The following COL5A3 variants were observed in gnomAD, a reference collection of about 807,000 sequenced individuals.
The protein encoded by COL5A3 is collagen type V alpha 3 chain.
In COL5A3, 172 loss-of-function variants were observed where a neutral mutation model predicts 250.0. That is an observed-to-expected ratio of 0.69 (90% confidence interval 0.61 to 0.78). The LOEUF is 0.78. COL5A3 is among the 30% of genes least tolerant of loss of function. The probability of loss-of-function intolerance (pLI) is 0.00; values close to 1 mark genes in which losing one functional copy is unlikely to be tolerated. For missense variants in COL5A3, 2,340 were observed against 2,334.4 expected, an observed-to-expected ratio of 1.00 and a Z score of -0.05; for synonymous variants, 937 against 900.4, an observed-to-expected ratio of 1.04 and a Z score of -0.73.
intron 31 of COL5A3, among the ~76,000 whole-genome samples, chr19:9,982,944 C>G (rs73003484): frequency 1.3e-5 from 2 of 152,110 alleles, no homozygotes; most frequent in Admixed American, 1.3e-4. Flanking sequence ...CAGCTTCAAC[C>G]TTTTGGGCTC....
At chr19:9,992,076 G>A (rs1036173455) in intron 21 of COL5A3, 28 bp from the exon 22 acceptor site, 12 of 1,610,176 alleles carry the variant, frequency 7.5e-6, no homozygotes, top group Non-Finnish European at 1.0e-5. Flanking sequence ...GTGAGACCAA[G>A]ACAGAGCAAC....
Position 9,980,739 on chromosome 19 carries a change from G to A in COL5A3, c.2560-47C>T, listed in dbSNP as rs192979597. On this transcript the variant is annotated intron_variant, in intron 34 of 66. Transcript: ENST00000264828. ...TCAGGCCCCAGAACAAACTCAACTG[G>A]GAAGAATTTGGAGGGACTGGCTGAG... 6 of 1,614,090 alleles carry A rather than the reference G, an allele frequency of 3.7e-6. No homozygotes were observed. The Admixed American group carries it at 8.3e-5, about 22-fold the overall frequency.
intron 16 of COL5A3, among the ~76,000 whole-genome samples, chr19:9,994,352 A>G (rs552950327): frequency 1.3e-5 from 2 of 150,040 alleles, no homozygotes; most frequent in East Asian, 3.9e-4. Flanking sequence ...CTAATTTTTT[A>G]TTTGTATTTT....
At chr19:9,970,804 A>G in intron 53 of COL5A3, 129 bp from the exon 54 acceptor site, 1 of 997,120 alleles carries the variant, frequency 1.0e-6, no homozygotes, top group Non-Finnish European at 1.4e-6. Context: ...CCCACCTCCC[A>G]CCTACTCCCT....
In COL5A3 at chr19:9,980,674, C is replaced by T; in HGVS notation, c.2578G>A (p.Gly860Arg). 1 of 1,613,982 alleles carries T rather than the reference C, an allele frequency of 6.2e-7. No homozygotes were observed. Among genetic ancestry groups the T allele is most frequent in the African/African-American group, 1.3e-5 (1 of 74,948 alleles). ...TTTTCTCCAGGGATCCCAGGGGCTC[C>T]ATCCTGGCCCACATCGCCCTAGGAC... ...PGPKGDVGQD[G>R]APGIPGEKGL... is the part of the protein sequence containing the mutation. Residue 860 changes from glycine to arginine, a missense_variant, in exon 35 of 67, where the codon GGA becomes AGA. By Grantham distance (125) the Gly-to-Arg change is moderately radical. This residue lies in a region of COL5A3 where 1,152 missense variants were observed against 1,146.3 expected (regional missense o/e 1.00). Transcript: ENST00000264828.
At chr19:9,996,294 C>T (rs2087270932) in intron 13 of COL5A3, 32 bp from the exon 14 acceptor site, 1 of 1,551,304 alleles carries the variant, frequency 6.4e-7, no homozygotes, top group South Asian at 1.2e-5. Context: ...AGCTTGGGGC[C>T]TCCCACAAGA....
chr19:9,985,965 G>T, intron 30 of COL5A3, 70 bp from the exon 31 acceptor site: 3 of 1,426,896 alleles, frequency 2.1e-6, no homozygotes, highest in African/African-American at 1.4e-5. Flanking sequence ...GGTCAGGCTG[G>T]CTGGGGCATG....
chr19:10,006,945 A>G (rs925417202), intron 1 of COL5A3, among the ~76,000 whole-genome samples: 1 of 148,252 alleles, frequency 6.7e-6, no homozygotes, highest in African/African-American at 2.5e-5. Flanking sequence ...CTTCCCTCTG[A>G]CCCTCCTCTA....
chr19:9,961,699 C>T (rs922763724), intron 65 of COL5A3, among the ~76,000 whole-genome samples: 7 of 152,066 alleles, frequency 4.6e-5, no homozygotes, highest in African/African-American at 1.4e-4. Context: ...ACTGGGACTA[C>T]GGGCGCCTGC....
At position 9,971,196 on chromosome 19, in the gene COL5A3, C is replaced by T. The variant is rs2086841099; in HGVS notation, c.3828+9G>A. Reference sequence around the variant, plus strand: ...AATATGCCAGGATTGGGGAGGGGGTCACACTCACTGAAACTCCAGGGTCTC... The same window carrying T: ...AATATGCCAGGATTGGGGAGGGGGTTACACTCACTGAAACTCCAGGGTCTC... On this transcript the variant is annotated intron_variant, in intron 52 of 66. Coordinates refer to ENST00000264828, the MANE Select transcript of COL5A3 (RefSeq NM_015719.4). 3.2e-6 allele frequency: 5 copies of T among 1,561,280 alleles called. No homozygotes were observed. The highest frequency in any genetic ancestry group is 4.3e-6 in the Non-Finnish European group (5 of 1,160,918).
rs2086885207 is a variant in COL5A3, at chr19:9,973,807, G to A, written c.3561C>T (p.Gly1187=). 5.0e-6 allele frequency: 8 copies of A among 1,613,978 alleles called. No individual in the cohort carries two copies. Among genetic ancestry groups the A allele is most frequent in the Non-Finnish European group, 6.8e-6 (8 of 1,179,956 alleles). Residue 1187 remains glycine, a splice_region_variant and synonymous_variant, in exon 49 of 67, where the codon GGC becomes GGT. Transcript: ENST00000264828. The stretch of plus-strand genomic sequence containing the variant: ...CAACTCCTCCAGGCAGCCCTGGAGT[G>A]CCCTGGAGAGACAGCAAGGGGTAAG... ...RGPQGPTGSE[G]TPGLPGGVGQ... is the part of the protein sequence containing the mutation.
At chr19:9,992,613 C>G (rs2087210830) in intron 21 of COL5A3, among the ~76,000 whole-genome samples, 2 of 151,986 alleles carry the variant, frequency 1.3e-5, no homozygotes, top group African/African-American at 4.8e-5. Flanking sequence ...CCTGTCTCTA[C>G]TAAAAATACA....
chr19:9,967,936 G>A lies in COL5A3; in HGVS notation c.4372C>T (p.Pro1458Ser). 6.2e-7 allele frequency: 1 copy of A among 1,612,858 alleles called. No homozygotes were observed. The highest frequency in any genetic ancestry group is 8.5e-7 in the Non-Finnish European group (1 of 1,179,536). Residue 1458 changes from proline (P) to serine (S), a missense_variant, in exon 61 of 67, where the codon CCT becomes TCT. This residue lies in a region of COL5A3 where 1,179 missense variants were observed against 1,162.6 expected (regional missense o/e 1.01). Coordinates refer to ENST00000264828, the MANE Select transcript of COL5A3 (RefSeq NM_015719.4). ...CCTTTTGAGCCTTTCTGTCCTAGAG[G>A]GCCCTGTAGGGTACAGACAGGGAGA... is the stretch of plus-strand genomic sequence containing the variant. Reference protein sequence around the residue: ...GHPGPPGVAGPLGQKGSKGSP... With the variant: ...GHPGPPGVAGSLGQKGSKGSP...
In COL5A3 at chr19:10,001,794, T is replaced by C; in HGVS notation, c.937A>G (p.Thr313Ala). 2 of 1,614,096 alleles carry C rather than the reference T, an allele frequency of 1.2e-6. No homozygotes were observed. The highest frequency in any genetic ancestry group is 8.5e-7 in the Non-Finnish European group (1 of 1,179,974). ...TCTAGGATCGTGGCATTGAGTCCAG[T>C]AGTCACAGTGGAGGTGACGACCAAA... ...TPLVVTSTVT[T>A]GLNATILERS... Residue 313 changes from threonine to alanine, a missense_variant, in exon 7 of 67, where the codon ACT (threonine) becomes GCT (alanine). Thr to Ala is a moderately conservative substitution (Grantham distance 58, BLOSUM62 0). This residue lies in a region of COL5A3 where 1,152 missense variants were observed against 1,146.3 expected (regional missense o/e 1.00). Transcript: ENST00000264828.
chr19:10,003,576 C>T lies in COL5A3; in HGVS notation c.838G>A (p.Ala280Thr), dbSNP rs61742765. 48 of 1,614,016 alleles carry T rather than the reference C, an allele frequency of 3.0e-5. No homozygotes were observed. The African/African-American group carries it at 4.7e-4, about 16-fold the overall frequency. Residue 280 changes from alanine to threonine, a missense_variant, in exon 6 of 67, where the codon GCA (alanine) becomes ACA (threonine). Physicochemically the swap from Ala to Thr is moderately conservative, Grantham distance 58. This residue lies in a region of COL5A3 where 1,152 missense variants were observed against 1,146.3 expected (regional missense o/e 1.00). Transcript: ENST00000264828. Reference protein sequence around the residue: ...IWTSSPPPDSAENQTSTDIPK... With the variant: ...IWTSSPPPDSTENQTSTDIPK... The stretch of plus-strand genomic sequence containing the variant: ...CTCAGGGCCCTTACCTGGTTCTCTG[C>T]GGAGTCAGGAGGTGGACTTGAGGTC...
chr19:9,979,492 G>A, intron 37 of COL5A3, 75 bp from the exon 38 acceptor site: 1 of 1,510,324 alleles, frequency 6.6e-7, no homozygotes, highest in East Asian at 2.3e-5. Context: ...GGGAAGGCCT[G>A]ATAGGATCAG....
intron 64 of COL5A3, among the ~76,000 whole-genome samples, chr19:9,963,560 T>TG (rs762202122): frequency 1.6e-4 from 9 of 55,224 alleles, no homozygotes; most frequent in Non-Finnish European, 2.5e-4. Flanking sequence ...CCTGTTTTTT[T>TG]TGGGGGGGGG....
intron 55 of COL5A3, 93 bp downstream of exon 55, chr19:9,969,776 T>C (rs1416729880): frequency 1.9e-6 from 3 of 1,574,732 alleles, no homozygotes; most frequent in South Asian, 1.1e-5. Flanking sequence ...AGGGAGTAGG[T>C]GCACAGAGTG....
At position 9,996,413 on chromosome 19, in the gene COL5A3, T is replaced by G. The variant is rs1221977543; in HGVS notation, c.1422+20A>C. ...TCACTCTCTGGGGTTCCTCCCACTA[T>G]GTCCACACCTCCCACTCACCTGAGT... On this transcript the variant is annotated intron_variant, in intron 13 of 66. Transcript: ENST00000264828. 1 of 1,612,760 alleles carries G rather than the reference T, an allele frequency of 6.2e-7. No homozygotes were observed. Among genetic ancestry groups the G allele is most frequent in the African/African-American group, 1.3e-5 (1 of 75,016 alleles).
Sources: gnomAD v4.1 joint callset for allele counts (sites outside exome capture counted in the v4.1 genomes callset) on GRCh38, gnomAD v4.1.1 for gene constraint, gnomAD v4.1.1 regional missense constraint, MANE v1.5 for transcripts, NCBI Gene and HGNC (gene_info 2026-07-23, HGNC 2026-07-21) for gene names.